The following ALMS1 variants were observed in gnomAD, a reference collection of about 807,000 sequenced individuals.
The protein encoded by ALMS1 is centrosome-associated protein ALMS1.
Under a neutral mutation model 352.2 loss-of-function variants are expected in ALMS1, and 271 were observed. The ratio of observed to expected loss-of-function variants is 0.77; its 90% CI spans 0.70 to 0.85. The LOEUF (loss-of-function observed/expected upper bound fraction) is 0.85, where lower values mean the gene tolerates loss of function less well. ALMS1 is among the 40% of genes least tolerant of loss of function. The pLI, the probability that ALMS1 is intolerant of heterozygous loss-of-function variation, is 0.00. For synonymous variants in ALMS1, 1,865 were observed against 1,761.2 expected (o/e 1.06, Z -1.48); for missense variants, 5,445 against 4,870.7 (o/e 1.12, Z -3.51).
chr2:73,447,880 T>A, intron 7 of ALMS1, 80 bp from the exon 8 acceptor site: 1 of 1,424,722 alleles, frequency 7.0e-7, no homozygotes, highest in Non-Finnish European at 9.2e-7. Context: ...TTTTAAAGGC[T>A]CAAAGCTGGC....
At chr2:73,467,812 T>C (rs1439617809) in intron 9 of ALMS1, among the ~76,000 whole-genome samples, 1 of 152,052 alleles carries the variant, frequency 6.6e-6, no homozygotes, top group Non-Finnish European at 1.5e-5. Context: ...ACACACGTTA[T>C]GGTTAGCAAA....
intron 10 of ALMS1, among the ~76,000 whole-genome samples, chr2:73,502,381 G>T (rs959812932): frequency 2.0e-5 from 3 of 151,952 alleles, no homozygotes; most frequent in African/African-American, 7.3e-5. Flanking sequence ...TCCTTCCTTT[G>T]CAGTTCTCAT....
chr2:73,473,095 C>T (rs1018318606), intron 9 of ALMS1, among the ~76,000 whole-genome samples: 1 of 152,038 alleles, frequency 6.6e-6, no homozygotes, highest in East Asian at 1.9e-4. Flanking sequence ...GATTGGACAA[C>T]TCCTCAGAGA....
In ALMS1 at chr2:73,584,797, C is replaced by G. The variant is rs138090738; in HGVS notation, c.11547+11373C>G. ...CCTCACCCCGCTCCCACCCTTCCCC[C>G]CTAAGTTCCCAAATCCATTATATCA... On this transcript the variant is annotated intron_variant, in intron 16 of 22. Transcript: ENST00000613296. Among the ~76,000 whole-genome samples the G allele has an allele frequency of 1.4e-3, 214 of 152,146 alleles. 4 individuals are homozygous for G. The Middle Eastern group carries it at 0.02, about 15-fold the overall frequency.
At chr2:73,438,715 CA>C (rs1410389492) in intron 7 of ALMS1, among the ~76,000 whole-genome samples, 1 of 152,156 alleles carries the variant, frequency 6.6e-6, no homozygotes, top group East Asian at 1.9e-4. Context: ...AATACAATAG[CA>C]GAAAGAGGCC....
chr2:73,574,334 C>T (rs987829624), intron 16 of ALMS1, among the ~76,000 whole-genome samples: 10 of 152,144 alleles, frequency 6.6e-5, no homozygotes, highest in African/African-American at 2.4e-4. Context: ...TAGACATGCT[C>T]TCCAAAGAAG....
intron 10 of ALMS1, 72 bp from the exon 11 acceptor site, chr2:73,519,703 C>T (rs1243129222): frequency 1.2e-6 from 2 of 1,601,702 alleles, no homozygotes; most frequent in South Asian, 1.1e-5. Flanking sequence ...CTTGAAACCA[C>T]TTTTGGAAAG....
At chr2:73,391,476 G>A (rs1443745699) in intron 1 of ALMS1, among the ~76,000 whole-genome samples, 1 of 151,650 alleles carries the variant, frequency 6.6e-6, no homozygotes, top group Non-Finnish European at 1.5e-5. Context: ...TGTATTTTTA[G>A]TAGAGACGGG....
intron 10 of ALMS1, among the ~76,000 whole-genome samples, chr2:73,493,757 T>C (rs1012836660): frequency 1.3e-5 from 2 of 152,154 alleles, no homozygotes; most frequent in Admixed American, 1.3e-4. Context: ...GTATAAAATA[T>C]TTATAAAGTA....
intron 15 of ALMS1, among the ~76,000 whole-genome samples, chr2:73,566,633 C>G (rs1358319695): frequency 6.6e-6 from 1 of 152,232 alleles, no homozygotes; most frequent in African/African-American, 2.4e-5. Context: ...TGTATTCACA[C>G]CTAATGTGTG....
chr2:73,537,402 C>T (rs1476243447), intron 12 of ALMS1, among the ~76,000 whole-genome samples: 1 of 152,058 alleles, frequency 6.6e-6, no homozygotes, highest in Non-Finnish European at 1.5e-5. Flanking sequence ...AGGATCTGTA[C>T]AAGAAGAAAA....
chr2:73,525,261 C>T (rs1673766147), intron 11 of ALMS1, among the ~76,000 whole-genome samples: 1 of 152,158 alleles, frequency 6.6e-6, no homozygotes, highest in Non-Finnish European at 1.5e-5. Flanking sequence ...CGCTGACATA[C>T]TGACTTACTT....
chr2:73,451,517 A>C lies in ALMS1; in HGVS notation c.4990A>C (p.Ser1664Arg). 1 of 1,612,808 alleles carries C rather than the reference A, an allele frequency of 6.2e-7. No individual in the cohort carries two copies. ...TGAGACATTACCAGTACATTCTACTAGCTACTCAAATAGGGGGAAGCCTGT... is the reference window on the plus strand; with the variant it reads ...TGAGACATTACCAGTACATTCTACTCGCTACTCAAATAGGGGGAAGCCTGT... ...KTETLPVHSTSYSNRGKPVIF... is the reference protein window; with the variant it reads ...KTETLPVHSTRYSNRGKPVIF... The change falls in exon 8 of 23, where the codon AGC becomes CGC. Residue 1664 changes from serine to arginine, a missense_variant. Transcript: ENST00000613296.
intron 11 of ALMS1, among the ~76,000 whole-genome samples, chr2:73,520,751 TAG>T (rs949869813): frequency 1.2e-4 from 18 of 152,236 alleles, no homozygotes; most frequent in Admixed American, 8.5e-4. Context: ...GGTGAACATT[TAG>T]AGTGTTTTAT....
Position 73,557,329 on chromosome 2 carries a change from A to G in ALMS1, c.10188A>G (p.Lys3396=). Residue 3396 remains lysine, a synonymous_variant, in exon 14 of 23, where the codon AAA becomes AAG. Coordinates refer to ENST00000613296, the MANE Select transcript of ALMS1 (RefSeq NM_001378454.1). ...CTGAGGCTGCCCAGGCTAAAGAAAA[A>G]GAATCTTTGCAGAAAGATACTGCAG... ...AVTEAAQAKE[K]ESLQKDTADS... is the part of the protein sequence containing the mutation. The G allele has an allele frequency of 6.2e-7, 1 of 1,614,170 alleles. No individual in the cohort carries two copies. Among genetic ancestry groups the G allele is most frequent in the Non-Finnish European group, 8.5e-7 (1 of 1,180,018 alleles).
In ALMS1 at chr2:73,468,717, T is replaced by G. The variant is rs186454683; in HGVS notation, c.7674+13422T>G. ...CATGTTGTAGCATATGTTATAATTT[T>G]GTAAAGTGAGTCTGTTGTAGACAGT... is the stretch of plus-strand genomic sequence containing the variant. On this transcript the variant is annotated intron_variant, in intron 9 of 22. Coordinates refer to ENST00000613296, the MANE Select transcript of ALMS1 (RefSeq NM_001378454.1). Among the ~76,000 whole-genome samples, 12 of 152,124 alleles carry G rather than the reference T, an allele frequency of 7.9e-5. No homozygotes were observed. In the East Asian group the frequency reaches 2.3e-3, roughly 29 times the overall value.
At chr2:73,527,246 T>C (rs1290824021) in intron 11 of ALMS1, among the ~76,000 whole-genome samples, 2 of 147,850 alleles carry the variant, frequency 1.4e-5, no homozygotes, top group African/African-American at 2.5e-5. Context: ...TTTTTTCTCT[T>C]TTTTTTTTTT....
chr2:73,539,576 C>G (rs563276622), intron 12 of ALMS1, among the ~76,000 whole-genome samples: 1 of 152,050 alleles, frequency 6.6e-6, no homozygotes, highest in Non-Finnish European at 1.5e-5. Flanking sequence ...CAAACTACTC[C>G]GAGCTAAAGG....
At chr2:73,421,131 A>G (rs1015588539) in intron 3 of ALMS1, among the ~76,000 whole-genome samples, 4 of 152,070 alleles carry the variant, frequency 2.6e-5, no homozygotes, top group Non-Finnish European at 4.4e-5. Flanking sequence ...TAACTGTCCA[A>G]CTCCACCCTG....
Sources: allele counts gnomAD v4.1 joint callset (sites outside exome capture counted in the v4.1 genomes callset), GRCh38; gene constraint gnomAD v4.1.1; transcripts MANE v1.5; gene names NCBI Gene and HGNC (gene_info 2026-07-23, HGNC 2026-07-21).